The following MPRIP variants were observed in gnomAD, a reference collection of about 807,000 sequenced individuals.
MPRIP encodes the protein myosin phosphatase Rho interacting protein, also known as myosin phosphatase Rho-interacting protein.
In MPRIP, 59 loss-of-function variants were observed where a neutral mutation model predicts 234.9. The ratio of observed to expected loss-of-function variants is 0.25; its 90% CI spans 0.20 to 0.31. The LOEUF is 0.31. MPRIP is among the 10% of genes least tolerant of loss of function. The probability of loss-of-function intolerance (pLI) is 1.00; values close to 1 mark genes in which losing one functional copy is unlikely to be tolerated. For missense variants in MPRIP, 2,436 were observed against 3,071.0 expected (o/e 0.79, Z 4.89); for synonymous variants, 1,144 against 1,263.9 (o/e 0.91, Z 2.01).
At chr17:17,127,867 T>C (rs1253347430) in intron 4 of MPRIP, among the ~76,000 whole-genome samples, 38 of 152,246 alleles carry the variant, frequency 2.5e-4, no homozygotes. Context: ...CAGCTGGAAG[T>C]CCAGGGCCAC....
At chr17:17,121,990 T>A (rs773381058) in intron 3 of MPRIP, among the ~76,000 whole-genome samples, 9 of 152,224 alleles carry the variant, frequency 5.9e-5, no homozygotes, top group Non-Finnish European at 7.3e-5. Flanking sequence ...AAGGGTATTA[T>A]CTCATTCTTT....
intron 23 of MPRIP, 156 bp downstream of exon 23, chr17:17,180,244 G>C (rs2046344929): frequency 1.1e-5 from 7 of 660,590 alleles, no homozygotes; most frequent in Admixed American, 9.4e-5. Context: ...GGCTGGTTCT[G>C]GTGGCTTTGA....
At chr17:17,067,620 G>A (rs1472678032) in intron 1 of MPRIP, among the ~76,000 whole-genome samples, 1 of 152,198 alleles carries the variant, frequency 6.6e-6, no homozygotes, top group African/African-American at 2.4e-5. Context: ...AACTGTGGAT[G>A]GAGGAGGGGG....
chr17:17,096,420 C>T (rs1274179438), intron 3 of MPRIP, among the ~76,000 whole-genome samples: 1 of 151,980 alleles, frequency 6.6e-6, no homozygotes, highest in Non-Finnish European at 1.5e-5. Context: ...CTATAATTTG[C>T]TCCAGTACCT....
chr17:17,090,618 C>T (rs1174550010), intron 3 of MPRIP, among the ~76,000 whole-genome samples: 2 of 152,188 alleles, frequency 1.3e-5, no homozygotes, highest in Non-Finnish European at 2.9e-5. Flanking sequence ...ACACTGAGTA[C>T]AGTTTTTGGA....
chr17:17,176,245 T>A (rs1285985346), intron 20 of MPRIP, among the ~76,000 whole-genome samples, 181 bp from the exon 21 acceptor site: 1 of 152,066 alleles, frequency 6.6e-6, no homozygotes, highest in Non-Finnish European at 1.5e-5. Context: ...CCTCTTCCTG[T>A]TTCTGTATGT....
chr17:17,055,313 G>A (rs1008332489), intron 1 of MPRIP, among the ~76,000 whole-genome samples: 2 of 152,190 alleles, frequency 1.3e-5, no homozygotes, highest in Non-Finnish European at 2.9e-5. Context: ...CCTTGCAGTT[G>A]TCTGGGAAGG....
chr17:17,063,296 C>A (rs982493356), intron 1 of MPRIP, among the ~76,000 whole-genome samples: 20 of 152,152 alleles, frequency 1.3e-4, no homozygotes, highest in African/African-American at 3.9e-4. Context: ...GTCATTGGAG[C>A]CCAACTTTGT....
intron 1 of MPRIP, among the ~76,000 whole-genome samples, chr17:17,068,355 G>A (rs1328850031): frequency 6.6e-6 from 1 of 151,778 alleles, no homozygotes; most frequent in African/African-American, 2.4e-5. Flanking sequence ...TCTTCATGTT[G>A]GTCAGGCTGG....
At chr17:17,152,120 G>C (rs1163956137) in intron 12 of MPRIP, among the ~76,000 whole-genome samples, 1 of 152,248 alleles carries the variant, frequency 6.6e-6, no homozygotes, top group Non-Finnish European at 1.5e-5. Flanking sequence ...GGCTTCCTGC[G>C]TGCAGGCATC....
intron 5 of MPRIP, among the ~76,000 whole-genome samples, chr17:17,135,324 G>A (rs2090673952): frequency 1.3e-5 from 2 of 152,186 alleles, no homozygotes; most frequent in Admixed American, 6.5e-5. Flanking sequence ...ATTGGGGATT[G>A]ACACCTTTTC....
intron 13 of MPRIP, 75 bp from the exon 14 acceptor site, chr17:17,158,356 AG>A (rs1224933295): frequency 5.2e-5 from 68 of 1,300,668 alleles, no homozygotes; most frequent in Non-Finnish European, 1.1e-6. Flanking sequence ...GTTGTGGCTC[AG>A]CATTGCCAGC....
chr17:17,055,355 C>T (rs1469658417), intron 1 of MPRIP, among the ~76,000 whole-genome samples: 1 of 152,068 alleles, frequency 6.6e-6, no homozygotes, highest in Non-Finnish European at 1.5e-5. Context: ...GTTGAAATGC[C>T]CAAGGAAGGT....
chr17:17,130,523 G>T (rs1349700016), intron 4 of MPRIP, among the ~76,000 whole-genome samples: 1 of 151,934 alleles, frequency 6.6e-6, no homozygotes, highest in Non-Finnish European at 1.5e-5. Context: ...CCCAGGCTCA[G>T]TGTGCTGCTG....
chr17:17,148,825 T>C (rs1040819006), intron 11 of MPRIP, among the ~76,000 whole-genome samples: 12 of 152,332 alleles, frequency 7.9e-5, no homozygotes, highest in Admixed American at 7.2e-4. Context: ...CTCATTCCTC[T>C]AAGGAAAACA....
intron 1 of MPRIP, among the ~76,000 whole-genome samples, chr17:17,052,556 A>T (rs1484754980): frequency 6.6e-6 from 1 of 152,116 alleles, no homozygotes; most frequent in South Asian, 2.1e-4. Context: ...ATTTTTTCCA[A>T]AGTCCTGTTT....
chr17:17,052,688 G>T (rs1214324507), intron 1 of MPRIP, among the ~76,000 whole-genome samples: 2 of 152,288 alleles, frequency 1.3e-5, no homozygotes, highest in African/African-American at 4.8e-5. Context: ...AGGCTGTTGT[G>T]CAGGGCATCG....
intron 22 of MPRIP, among the ~76,000 whole-genome samples, chr17:17,178,976 A>T (rs1055162011): frequency 5.9e-5 from 9 of 152,120 alleles, no homozygotes; most frequent in Non-Finnish European, 1.2e-4. Context: ...ACCTGTGAAT[A>T]GGCACTGCAT....
At chr17:17,064,201 G>GTTTT (rs752475475) in intron 1 of MPRIP, among the ~76,000 whole-genome samples, 18 of 144,182 alleles carry the variant, frequency 1.2e-4, no homozygotes, top group African/African-American at 4.2e-4. Flanking sequence ...GGTTTTTTTT[G>GTTTT]TTTTGTTTTT....
Sources: gnomAD v4.1 joint callset for allele counts (sites outside exome capture counted in the v4.1 genomes callset) on GRCh38, gnomAD v4.1.1 for gene constraint, MANE v1.5 for transcripts, NCBI Gene and HGNC (gene_info 2026-07-23, HGNC 2026-07-21) for gene names.